ZFAND3: variants seen among roughly 807,000 people sequenced by gnomAD.
The protein encoded by ZFAND3 is AN1-type zinc finger protein 3.
A neutral mutation model predicts 29.6 loss-of-function variants in ZFAND3; 10 were observed. That is an observed-to-expected ratio of 0.34 (90% CI 0.21 to 0.57). The LOEUF is 0.57. ZFAND3 is among the 20% of genes least tolerant of loss of function. ZFAND3 has a pLI of 0.86. For missense variants in ZFAND3, 230 were observed against 304.5 expected, an observed-to-expected ratio of 0.76 and a Z score of 1.82; for synonymous variants, 128 against 112.6, an observed-to-expected ratio of 1.14 and a Z score of -0.87.
intron 5 of ZFAND3, among the ~76,000 whole-genome samples, chr6:38,131,962 C>T (rs914318062): frequency 3.3e-5 from 5 of 152,160 alleles, no homozygotes; most frequent in Admixed American, 6.5e-5. Context: ...TGTGCAGCCT[C>T]AGGATTTCCC....
intron 2 of ZFAND3, among the ~76,000 whole-genome samples, chr6:38,013,888 A>G (rs1763205194): frequency 6.6e-6 from 1 of 152,176 alleles, no homozygotes; most frequent in Non-Finnish European, 1.5e-5. Context: ...TATTTAATCT[A>G]TACTGCATGG....
intron 1 of ZFAND3, chr6:37,915,673 A>G (rs1454576637): frequency 2.6e-5 from 4 of 152,208 alleles, no homozygotes; most frequent in African/African-American, 9.7e-5. Flanking sequence ...GACCCCTGCA[A>G]TTTTCCACAA....
At chr6:38,065,061 G>A (rs887401178) in intron 3 of ZFAND3, among the ~76,000 whole-genome samples, 1 of 152,198 alleles carries the variant, frequency 6.6e-6, no homozygotes, top group Non-Finnish European at 1.5e-5. Flanking sequence ...GCTCACGCCT[G>A]TAATCCCAGC....
At chr6:38,126,883 T>C (rs73421855) in intron 5 of ZFAND3, among the ~76,000 whole-genome samples, 10,363 of 152,188 alleles carry the variant, frequency 0.068, 426 homozygotes, top group Non-Finnish European at 0.087. Flanking sequence ...TAGTTTGTGA[T>C]GATATTGTGA....
chr6:37,915,730 T>C (rs1761235351), intron 1 of ZFAND3: 1 of 152,188 alleles, frequency 6.6e-6, no homozygotes, highest in Non-Finnish European at 1.5e-5. Context: ...GAGGCTGCGT[T>C]TGCACTCTCC....
chr6:37,985,712 G>A (rs1372277735), intron 2 of ZFAND3, among the ~76,000 whole-genome samples: 2 of 152,092 alleles, frequency 1.3e-5, no homozygotes, highest in African/African-American at 2.4e-5. Context: ...AGTTTAGGTT[G>A]GTGTTATTAC....
chr6:37,859,932 C>T (rs916494669), intron 1 of ZFAND3, among the ~76,000 whole-genome samples: 3 of 140,360 alleles, frequency 2.1e-5, no homozygotes, highest in Non-Finnish European at 4.6e-5. Flanking sequence ...AGTGCAGTGG[C>T]GTGATCTCGG....
chr6:38,118,668 G>A (rs1325791381), intron 5 of ZFAND3, among the ~76,000 whole-genome samples: 1 of 149,234 alleles, frequency 6.7e-6, no homozygotes, highest in Non-Finnish European at 1.5e-5. Context: ...ATTTAGCACT[G>A]AGATCTAAAG....
At chr6:37,916,810 G>A (rs780872119) in intron 1 of ZFAND3, among the ~76,000 whole-genome samples, 2 of 152,204 alleles carry the variant, frequency 1.3e-5, no homozygotes, top group Non-Finnish European at 2.9e-5. Flanking sequence ...GTTTTAAGTT[G>A]CACACCATTC....
At chr6:38,050,529 T>C (rs1445892268) in intron 2 of ZFAND3, among the ~76,000 whole-genome samples, 1 of 152,154 alleles carries the variant, frequency 6.6e-6, no homozygotes, top group East Asian at 1.9e-4. Context: ...CCATGAGATC[T>C]GATGGTTTTA....
intron 1 of ZFAND3, among the ~76,000 whole-genome samples, chr6:37,891,004 A>T (rs1765086996): frequency 1.3e-5 from 2 of 152,208 alleles, no homozygotes; most frequent in South Asian, 4.1e-4. Context: ...AAAATAGTCA[A>T]AGCGTTATAG....
chr6:37,981,179 T>C (rs1188745887), intron 2 of ZFAND3, among the ~76,000 whole-genome samples: 1 of 152,198 alleles, frequency 6.6e-6, no homozygotes, highest in Non-Finnish European at 1.5e-5. Flanking sequence ...TGGTGATAGA[T>C]GTATAGGTAG....
chr6:37,947,641 A>T (rs1201314709), intron 2 of ZFAND3, among the ~76,000 whole-genome samples: 1 of 152,148 alleles, frequency 6.6e-6, no homozygotes, highest in Admixed American at 6.5e-5. Flanking sequence ...ATGACTCTGA[A>T]TTCTGTCTGC....
At chr6:37,898,635 T>C (rs1765262207) in intron 1 of ZFAND3, among the ~76,000 whole-genome samples, 1 of 152,224 alleles carries the variant, frequency 6.6e-6, no homozygotes, top group African/African-American at 2.4e-5. Context: ...CAGAAGTGTT[T>C]TATAATTTTC....
At chr6:38,068,401 C>CT in intron 3 of ZFAND3, among the ~76,000 whole-genome samples, 1 of 152,180 alleles carries the variant, frequency 6.6e-6, no homozygotes. Flanking sequence ...TGCTTCTGTG[C>CT]TACAATAGCA....
chr6:37,962,811 T>G (rs571965066), intron 2 of ZFAND3, among the ~76,000 whole-genome samples: 1 of 152,320 alleles, frequency 6.6e-6, no homozygotes, highest in Admixed American at 6.5e-5. Flanking sequence ...TCTTTTGCTC[T>G]TCACAATAAA....
intron 5 of ZFAND3, among the ~76,000 whole-genome samples, chr6:38,133,384 G>T (rs145860022): frequency 6.6e-6 from 1 of 152,260 alleles, no homozygotes; most frequent in African/African-American, 2.4e-5. Context: ...GGAAAAAGAG[G>T]AATAGCTTTA....
chr6:38,052,927 G>C (rs528820049), intron 2 of ZFAND3, among the ~76,000 whole-genome samples: 2 of 151,980 alleles, frequency 1.3e-5, no homozygotes, highest in Non-Finnish European at 2.9e-5. Context: ...CCAGCTACTT[G>C]GGTGGCCAAA....
chr6:37,895,557 G>A (rs1360027937), intron 1 of ZFAND3, among the ~76,000 whole-genome samples: 3 of 139,802 alleles, frequency 2.1e-5, no homozygotes, highest in South Asian at 2.2e-4. Context: ...ATGAACATAC[G>A]GAATACAGTT....
Sources: allele counts gnomAD v4.1 joint callset (sites outside exome capture counted in the v4.1 genomes callset), GRCh38; gene constraint gnomAD v4.1.1; transcripts MANE v1.5; gene names NCBI Gene and HGNC (gene_info 2026-07-23, HGNC 2026-07-21).